CNTNAP2: variants seen among roughly 807,000 people sequenced by gnomAD.
CNTNAP2 encodes the protein contactin-associated protein-like 2.
In CNTNAP2, 98 loss-of-function variants were observed where a neutral mutation model predicts 155.2. That is an observed-to-expected ratio of 0.63 (90% CI 0.54 to 0.75). The LOEUF is 0.75. Ranked by LOEUF, CNTNAP2 falls within the 30% of genes least tolerant of loss-of-function variation. The pLI is 0.00. For synonymous variants in CNTNAP2, 651 were observed against 631.2 expected, an observed-to-expected ratio of 1.03 and a Z score of -0.47; for missense variants, 1,727 against 1,688.1, an observed-to-expected ratio of 1.02 and a Z score of -0.40.
intron 1 of CNTNAP2, among the ~76,000 whole-genome samples, chr7:146,151,651 T>TATAC (rs1798043492): frequency 4.8e-5 from 1 of 20,938 alleles, no homozygotes; most frequent in Non-Finnish European, 9.7e-5. Context: ...TATATATATA[T>TATAC]ATATATATAT....
At chr7:146,268,583 G>A (rs1271531807) in intron 1 of CNTNAP2, among the ~76,000 whole-genome samples, 2 of 152,084 alleles carry the variant, frequency 1.3e-5, no homozygotes, top group African/African-American at 4.8e-5. Context: ...CTTCTATCTG[G>A]ATCTGCTTTT....
chr7:147,188,184 GAATT>G, intron 8 of CNTNAP2, among the ~76,000 whole-genome samples: 1 of 152,324 alleles, frequency 6.6e-6, no homozygotes, highest in Middle Eastern at 3.4e-3. Context: ...AATAGAGTGT[GAATT>G]AATTGTCTCT....
chr7:148,062,985 A>G (rs1803185065), intron 15 of CNTNAP2, among the ~76,000 whole-genome samples: 2 of 152,164 alleles, frequency 1.3e-5, no homozygotes, highest in African/African-American at 4.8e-5. Flanking sequence ...GACACTTTAA[A>G]TGACAATAAG....
At chr7:147,889,852 G>A (rs1799658358) in intron 13 of CNTNAP2, among the ~76,000 whole-genome samples, 1 of 152,112 alleles carries the variant, frequency 6.6e-6, no homozygotes, top group South Asian at 2.1e-4. Flanking sequence ...TAATAACTGT[G>A]AGTCAATGCA....
intron 8 of CNTNAP2, among the ~76,000 whole-genome samples, chr7:147,189,072 G>A (rs1802627090): frequency 6.6e-6 from 1 of 151,990 alleles, no homozygotes; most frequent in Non-Finnish European, 1.5e-5. Flanking sequence ...AACTTGTCAG[G>A]CACCTACATT....
At chr7:147,454,027 T>A (rs1410371769) in intron 10 of CNTNAP2, among the ~76,000 whole-genome samples, 1 of 149,952 alleles carries the variant, frequency 6.7e-6, no homozygotes, top group Non-Finnish European at 1.5e-5. Flanking sequence ...AAAATAAAAA[T>A]TCTACAACTG....
intron 21 of CNTNAP2, among the ~76,000 whole-genome samples, chr7:148,341,462 A>G (rs1798233734): frequency 6.6e-6 from 1 of 152,302 alleles, no homozygotes; most frequent in Middle Eastern, 3.4e-3. Context: ...ACTATTAACT[A>G]TAATAATTAA....
intron 1 of CNTNAP2, among the ~76,000 whole-genome samples, chr7:146,241,857 C>CACAA (rs1380980767): frequency 1.3e-5 from 2 of 151,714 alleles, no homozygotes; most frequent in Admixed American, 1.3e-4. Context: ...CGCACACACA[C>CACAA]AAACATATAT....
rs1384893519 is a variant in CNTNAP2, at chr7:147,177,554, T to A, written c.1348+45045T>A. On this transcript the variant is annotated intron_variant, in intron 8 of 23. Coordinates refer to ENST00000361727, the MANE Select transcript of CNTNAP2 (RefSeq NM_014141.6). ...ATAGCAGCATGAGAACATACTAATA[T>A]GTACTTCTAGCTTCTGTAGTCAATG... Among the ~76,000 whole-genome samples the A allele has an allele frequency of 4.6e-5, 7 of 152,330 alleles. No individual in the cohort carries two copies. The East Asian group carries it at 1.4e-3, about 29-fold the overall frequency.
At chr7:147,676,076 T>C (rs1351742488) in intron 13 of CNTNAP2, among the ~76,000 whole-genome samples, 1 of 152,084 alleles carries the variant, frequency 6.6e-6, no homozygotes, top group African/African-American at 2.4e-5. Context: ...ATTTTTCTAA[T>C]TAGAGTAATT....
intron 8 of CNTNAP2, among the ~76,000 whole-genome samples, chr7:147,222,833 T>TTTC (rs1491378693): frequency 2.0e-5 from 2 of 98,898 alleles, no homozygotes; most frequent in African/African-American, 8.0e-5. Context: ...TTTTTTTTTT[T>TTTC]CTGCCTCGTT....
At chr7:147,710,321 C>CT (rs1796384508) in intron 13 of CNTNAP2, among the ~76,000 whole-genome samples, 1 of 152,088 alleles carries the variant, frequency 6.6e-6, no homozygotes, top group Admixed American at 6.5e-5. Flanking sequence ...GCACATAAAT[C>CT]CCATCATAAT....
At chr7:147,298,505 T>G (rs943526370) in intron 8 of CNTNAP2, among the ~76,000 whole-genome samples, 2 of 151,866 alleles carry the variant, frequency 1.3e-5, no homozygotes, top group Non-Finnish European at 2.9e-5. Flanking sequence ...CCCTGAGGGG[T>G]GATTATGTGT....
chr7:146,271,218 C>A (rs1379433176), intron 1 of CNTNAP2, among the ~76,000 whole-genome samples: 2 of 151,992 alleles, frequency 1.3e-5, no homozygotes, highest in Non-Finnish European at 2.9e-5. Flanking sequence ...AATTTATCAT[C>A]AAACCTTAAC....
intron 18 of CNTNAP2, among the ~76,000 whole-genome samples, chr7:148,202,726 G>A (rs1795387108): frequency 1.3e-5 from 2 of 152,250 alleles, no homozygotes; most frequent in South Asian, 4.2e-4. Flanking sequence ...GACAAAGGGG[G>A]ATCTGGCAAA....
intron 21 of CNTNAP2, among the ~76,000 whole-genome samples, chr7:148,317,216 G>C (rs112469225): frequency 6.6e-6 from 1 of 152,182 alleles, no homozygotes; most frequent in African/African-American, 2.4e-5. Context: ...TTAGCCAGGC[G>C]TGGTGGCACA....
intron 8 of CNTNAP2, among the ~76,000 whole-genome samples, chr7:147,208,220 G>T (rs1448923144): frequency 6.6e-6 from 1 of 151,890 alleles, no homozygotes; most frequent in Non-Finnish European, 1.5e-5. Context: ...GTGTTTTCCA[G>T]GTCTCTCTCT....
At chr7:147,188,295 G>C (rs1802609094) in intron 8 of CNTNAP2, among the ~76,000 whole-genome samples, 1 of 152,176 alleles carries the variant, frequency 6.6e-6, no homozygotes, top group African/African-American at 2.4e-5. Context: ...ATCAGTGAAG[G>C]AAATGTGTAG....
intron 1 of CNTNAP2, among the ~76,000 whole-genome samples, chr7:146,655,929 G>C (rs1343596866): frequency 6.6e-6 from 1 of 151,894 alleles, no homozygotes; most frequent in African/African-American, 2.4e-5. Context: ...CATCTCTCTA[G>C]AAATAGGAAA....
Sources: gnomAD v4.1 joint callset for allele counts (sites outside exome capture counted in the v4.1 genomes callset) on GRCh38, gnomAD v4.1.1 for gene constraint, MANE v1.5 for transcripts, NCBI Gene and HGNC (gene_info 2026-07-23, HGNC 2026-07-21) for gene names.